Variants in SMYD3 observed in about 807,000 individuals in gnomAD.
SMYD3 encodes the protein histone-lysine N-methyltransferase SMYD3.
Under a neutral mutation model 57.7 loss-of-function variants are expected in SMYD3, and 36 were observed. The ratio of observed to expected loss-of-function variants is 0.62; its 90% CI spans 0.48 to 0.82. The LOEUF is 0.82. SMYD3 is among the 40% of genes least tolerant of loss of function. The pLI, the probability that SMYD3 is intolerant of heterozygous loss-of-function variation, is 0.00. For missense variants in SMYD3, 515 were observed against 538.8 expected, an observed-to-expected ratio of 0.96 and a Z score of 0.44; for synonymous variants, 211 against 195.0, an observed-to-expected ratio of 1.08 and a Z score of -0.68.
chr1:245,811,082 T>G (rs1183567347), intron 10 of SMYD3, among the ~76,000 whole-genome samples: 1 of 152,292 alleles, frequency 6.6e-6, no homozygotes, highest in East Asian at 1.9e-4. Context: ...CTCCTGGAAT[T>G]TGTAAGTGTG....
rs550948306 is a variant in SMYD3, at chr1:246,170,283, T to G, written c.531+156918A>C. Among the ~76,000 whole-genome samples the G allele has an allele frequency of 2.0e-4, 30 of 152,244 alleles. No individual in the cohort carries two copies. The South Asian group carries it at 5.0e-3, about 25-fold the overall frequency. ...TATCAGAATAGTGTGATATATATTA[T>G]GTATGAAATATAATCCAACTAATAC... On this transcript the variant is annotated intron_variant, in intron 5 of 11. Transcript: ENST00000490107.
chr1:246,196,038 T>TAA (rs769188870), intron 5 of SMYD3, among the ~76,000 whole-genome samples: 8 of 151,704 alleles, frequency 5.3e-5, no homozygotes, highest in African/African-American at 1.7e-4. Flanking sequence ...CTTCTTTATT[T>TAA]AAAAAAAAAC....
chr1:245,812,169 G>A (rs1227627901), intron 10 of SMYD3, among the ~76,000 whole-genome samples: 1 of 152,172 alleles, frequency 6.6e-6, no homozygotes, highest in African/African-American at 2.4e-5. Context: ...TACCTCGGTG[G>A]ACCTTTTTCT....
At chr1:246,229,676 G>C (rs1231456280) in intron 5 of SMYD3, among the ~76,000 whole-genome samples, 2 of 152,176 alleles carry the variant, frequency 1.3e-5, no homozygotes, top group Non-Finnish European at 2.9e-5. Context: ...CAGAAGGCAA[G>C]GGGCGAGATA....
chr1:246,344,382 C>T (rs1029457950), intron 2 of SMYD3, among the ~76,000 whole-genome samples: 4 of 152,180 alleles, frequency 2.6e-5, no homozygotes, highest in Non-Finnish European at 5.9e-5. Flanking sequence ...TGGCTTCATT[C>T]CCTCAGTACA....
intron 5 of SMYD3, among the ~76,000 whole-genome samples, chr1:246,167,080 T>C (rs1034633321): frequency 6.6e-6 from 1 of 152,238 alleles, no homozygotes; most frequent in African/African-American, 2.4e-5. Flanking sequence ...GCATAATGTA[T>C]TCCGGGTTCA....
In SMYD3 at chr1:246,402,509, A is replaced by G. The variant is rs2066789848; in HGVS notation, c.165-47415T>C. On this transcript the variant is annotated intron_variant, in intron 1 of 11. Coordinates refer to ENST00000490107, the MANE Select transcript of SMYD3 (RefSeq NM_001167740.2). ...CAGAGTGTCTGTAACAGACTTCTGCATTTCATTCTCCACTCAATATACTTC... is the reference window on the plus strand; with the variant it reads ...CAGAGTGTCTGTAACAGACTTCTGCGTTTCATTCTCCACTCAATATACTTC... Among the ~76,000 whole-genome samples the G allele has an allele frequency of 2.6e-5, 4 of 152,058 alleles. 1 individual carries two copies. The South Asian group carries it at 8.4e-4, about 32-fold the overall frequency.
chr1:246,246,769 A>ATT (rs1375603834), intron 5 of SMYD3, among the ~76,000 whole-genome samples: 6 of 151,526 alleles, frequency 4.0e-5, no homozygotes, highest in African/African-American at 1.5e-4. Context: ...TGCCCAAATA[A>ATT]CAGTATTTCT....
At chr1:246,030,006 C>CT (rs58066934) in intron 5 of SMYD3, among the ~76,000 whole-genome samples, 3,011 of 135,104 alleles carry the variant, frequency 0.022, 35 homozygotes, top group African/African-American at 0.036. Flanking sequence ...TTCTTTCTTT[C>CT]TTTTTTTTTT....
chr1:246,397,427 A>G (rs558189245), intron 1 of SMYD3, among the ~76,000 whole-genome samples: 6 of 152,186 alleles, frequency 3.9e-5, no homozygotes, highest in Admixed American at 3.3e-4. Context: ...CTTCTTAACT[A>G]TTTCAGATGA....
At chr1:245,929,843 C>T (rs373294881) in intron 6 of SMYD3, 27 bp downstream of exon 6, 28 of 1,574,106 alleles carry the variant, frequency 1.8e-5, no homozygotes, top group Non-Finnish European at 2.3e-5. Flanking sequence ...GTGTGTCTTC[C>T]AGTACATGAA....
At chr1:245,877,591 G>C (rs2052556371) in intron 8 of SMYD3, among the ~76,000 whole-genome samples, 1 of 152,206 alleles carries the variant, frequency 6.6e-6, no homozygotes, top group Non-Finnish European at 1.5e-5. Flanking sequence ...GAGAGAGACT[G>C]AAGAGAAAAG....
At chr1:246,234,469 C>G (rs1001310190) in intron 5 of SMYD3, among the ~76,000 whole-genome samples, 2 of 144,764 alleles carry the variant, frequency 1.4e-5, no homozygotes, top group African/African-American at 5.3e-5. Context: ...TCCGTTAACA[C>G]CATGATGACT....
chr1:246,271,780 C>T (rs1185207319), intron 5 of SMYD3, among the ~76,000 whole-genome samples: 1 of 152,114 alleles, frequency 6.6e-6, no homozygotes, highest in African/African-American at 2.4e-5. Flanking sequence ...TATTTGGAGT[C>T]CCTCAAGATT....
At chr1:246,185,485 T>G (rs963705563) in intron 5 of SMYD3, among the ~76,000 whole-genome samples, 1 of 141,488 alleles carries the variant, frequency 7.1e-6, no homozygotes, top group Non-Finnish European at 1.5e-5. Context: ...GACGGAGTTT[T>G]GCTCTGTCGC....
intron 10 of SMYD3, among the ~76,000 whole-genome samples, chr1:245,853,668 T>G (rs1470620664): frequency 6.6e-6 from 1 of 152,172 alleles, no homozygotes; most frequent in Non-Finnish European, 1.5e-5. Context: ...AAGGTACTGT[T>G]ATGAGGAAAT....
intron 5 of SMYD3, among the ~76,000 whole-genome samples, chr1:246,050,984 A>G (rs1030831070): frequency 1.3e-5 from 2 of 152,180 alleles, no homozygotes; most frequent in African/African-American, 4.8e-5. Context: ...GATGAGAGGT[A>G]AAAGGATGGG....
chr1:245,762,750 G>A (rs910637695), intron 11 of SMYD3, among the ~76,000 whole-genome samples: 8 of 152,164 alleles, frequency 5.3e-5, no homozygotes, highest in African/African-American at 1.7e-4. Context: ...GAATCCCTTC[G>A]GCATTTGTCA....
chr1:246,008,555 A>T (rs2059219070), intron 5 of SMYD3, among the ~76,000 whole-genome samples: 1 of 152,198 alleles, frequency 6.6e-6, no homozygotes, highest in African/African-American at 2.4e-5. Context: ...GACTATTTTT[A>T]AAATTTTGAA....
Sources: gnomAD v4.1 joint callset for allele counts (sites outside exome capture counted in the v4.1 genomes callset) on GRCh38, gnomAD v4.1.1 for gene constraint, MANE v1.5 for transcripts, NCBI Gene and HGNC (gene_info 2026-07-23, HGNC 2026-07-21) for gene names.